The following KCNH4 variants were observed in gnomAD, a reference collection of about 807,000 sequenced individuals.
The protein encoded by KCNH4 is voltage-gated delayed rectifier potassium channel KCNH4.
Under a neutral mutation model 90.7 loss-of-function variants are expected in KCNH4, and 33 were observed. The ratio of observed to expected loss-of-function variants is 0.36; its 90% CI spans 0.28 to 0.49. The LOEUF is 0.49. Among genes scored for constraint, KCNH4 ranks in the 20% least tolerant of loss-of-function variants. The probability of loss-of-function intolerance (pLI) is 0.98; values close to 1 mark genes in which losing one functional copy is unlikely to be tolerated. For missense variants in KCNH4, 1,044 were observed against 1,387.1 expected (o/e 0.75, Z 3.93); for synonymous variants, 551 against 581.7 (o/e 0.95, Z 0.76).
chr17:42,169,466 C>T lies in KCNH4; in HGVS notation c.1590+11G>A. On this transcript the variant is annotated intron_variant, in intron 9 of 16. Transcript: ENST00000264661. ...GAGGGCAAGGGCAAGATTGGAGACC[C>T]TGCAGGCTACCTCGTTGGCGTCGAT... The T allele has an allele frequency of 6.2e-7, 1 of 1,612,250 alleles. No individual in the cohort carries two copies. The highest frequency in any genetic ancestry group is 8.5e-7 in the Non-Finnish European group (1 of 1,179,716).
At position 42,176,124 on chromosome 17, in the gene KCNH4, G is replaced by A. The variant is rs765016601; in HGVS notation, c.759C>T (p.Asp253=). ...TVPYNVCFSG[D]DDTPITSRHT... ...GTCGCGAAGTGATGGGGGTGTCATC[G>A]TCACCCGAGAAACAGACATTGTAGG... Residue 253 remains aspartate, a synonymous_variant, in exon 5 of 17, where the codon GAC becomes GAT. Transcript: ENST00000264661. The A allele has an allele frequency of 3.7e-6, 6 of 1,613,934 alleles. No homozygotes were observed. Among genetic ancestry groups the A allele is most frequent in the South Asian group, 1.1e-5 (1 of 91,074 alleles).
rs369640270 is a variant in KCNH4 at position 42,176,295 on chromosome 17, G to A, written c.588C>T (p.Asn196=). Residue 196 remains asparagine, a splice_region_variant and synonymous_variant, in exon 5 of 17, where the codon AAC becomes AAT. Coordinates refer to ENST00000264661, the MANE Select transcript of KCNH4 (RefSeq NM_012285.3). ...GCACTGATGGCTTTGGCTCAAACAC[G>A]TTCTAAGGGGAGAGGGGTGGCGGTT... is the stretch of plus-strand genomic sequence containing the variant. ...RGQGGMKANN[N]VFEPKPSVPE... 1.3e-5 allele frequency: 21 copies of A among 1,588,648 alleles called. No individual in the cohort carries two copies. In the African/African-American group the frequency reaches 1.5e-4, roughly 11 times the overall value.
intron 4 of KCNH4, among the ~76,000 whole-genome samples, chr17:42,176,947 A>G (rs2079866347): frequency 6.6e-6 from 1 of 152,234 alleles, no homozygotes; most frequent in Non-Finnish European, 1.5e-5. Flanking sequence ...GCTGGAGTGC[A>G]GTGGCACCAT....
Position 42,175,619 on chromosome 17 carries a change from G to A in KCNH4, c.947C>T (p.Ala316Val). Residue 316 changes from alanine (A) to valine (V), a missense_variant, in exon 6 of 17, where the codon GCT becomes GTT. Physicochemically the swap from Ala to Val is moderately conservative, Grantham distance 64 (BLOSUM62 0). Coordinates refer to ENST00000264661, the MANE Select transcript of KCNH4 (RefSeq NM_012285.3). The part of the protein sequence containing the change: ...ATWFFIDLIA[A>V]LPFDLLYIFN... ...GATGTAAAGCAGGTCAAAGGGCAGA[G>A]CAGCAATAAGGTCGATGAAGAACCA... is the stretch of plus-strand genomic sequence containing the variant. 1 of 1,614,206 alleles carries A rather than the reference G, an allele frequency of 6.2e-7. No homozygotes were observed.
At chr17:42,166,244 G>T (rs372605412) in intron 10 of KCNH4, 53 bp downstream of exon 10, 23 of 1,530,902 alleles carry the variant, frequency 1.5e-5, no homozygotes, top group African/African-American at 9.6e-5. Context: ...TCCTCAGTGG[G>T]GGTTGCGGGG....
Position 42,171,872 on chromosome 17 carries a change from G to C in KCNH4, c.1111C>G (p.Leu371Val). The stretch of plus-strand genomic sequence containing the variant: ...ATGCAGGCCATCCAGTGGGCAAGGA[G>C]CGCAAAGACCGACATGAGCAGCGTG... ...VLTLLMSVFA[L>V]LAHWMACIWY... The change falls in exon 7 of 17, where the codon CTC becomes GTC. Residue 371 changes from leucine to valine, a missense_variant. This residue lies in a region of KCNH4 where 318 missense variants were observed against 479.6 expected (regional missense o/e 0.66). Coordinates refer to ENST00000264661, the MANE Select transcript of KCNH4 (RefSeq NM_012285.3). 1 of 1,614,188 alleles carries C rather than the reference G, an allele frequency of 6.2e-7. No homozygotes were observed. The highest frequency in any genetic ancestry group is 2.2e-5 in the East Asian group (1 of 44,882).
rs2079733772 is a variant in KCNH4 at position 42,159,998 on chromosome 17, CGGCAGCGCCCACCCCAGACAG to C, written c.*21_*41del. 6.9e-7 allele frequency: 1 copy of C among 1,451,530 alleles called. No individual in the cohort carries two copies. Among genetic ancestry groups the C allele is most frequent in the Non-Finnish European group, 9.1e-7 (1 of 1,095,058 alleles). 89.9% of individuals were successfully genotyped at this position (1,451,530 alleles called of 1,614,324 possible). On this transcript the variant is annotated 3_prime_UTR_variant, in exon 16 of 17. Transcript: ENST00000264661. Reference sequence around the variant, plus strand: ...GCCCAGGTCCTCCCTGAGTGGTGAGCGGCAGCGCCCACCCCAGACAGGCCTGGGCCCTGGGCCAGGGTCAGT... The same window carrying C: ...GCCCAGGTCCTCCCTGAGTGGTGAGCGCCTGGGCCCTGGGCCAGGGTCAGT...
rs183503095 is a variant in KCNH4 at position 42,171,162 on chromosome 17, G to C, written c.1195+626C>G. On this transcript the variant is annotated intron_variant, in intron 7 of 16. Transcript: ENST00000264661. ...GCTGTGGTGAGGATGGTGGTTGTGG[G>C]GGGGATGAGAAGGGGATTGGGAAAT... Among the ~76,000 whole-genome samples the C allele has an allele frequency of 6.6e-5, 10 of 152,246 alleles. 2 individuals are homozygous for C. Among genetic ancestry groups the C allele is most frequent in the South Asian group, 6.2e-4 (3 of 4,818 alleles).
At chr17:42,166,223 C>A in intron 10 of KCNH4, 74 bp downstream of exon 10, 1 of 1,498,932 alleles carries the variant, frequency 6.7e-7, no homozygotes. Context: ...AGAATCCTGG[C>A]CATTCCCAAG....
At position 42,163,642 on chromosome 17, in the gene KCNH4, G is replaced by C. The variant is rs150770534; in HGVS notation, c.2441C>G (p.Pro814Arg). 9 of 1,499,306 alleles carry C rather than the reference G, an allele frequency of 6.0e-6. No individual in the cohort carries two copies. Among genetic ancestry groups the C allele is most frequent in the South Asian group, 1.3e-5 (1 of 74,364 alleles). 92.9% of individuals were successfully genotyped at this position (1,499,306 alleles called of 1,614,324 possible). A position where few individuals can be genotyped will look rare whatever the true frequency, so the allele number is the denominator to read the frequency against. Residue 814 changes from proline to arginine, a missense_variant, in exon 13 of 17, where the codon CCA becomes CGA. Around this residue, in one of 4 missense-constraint regions of KCNH4, gnomAD observed 441 missense variants for 512.3 expected, o/e 0.86. Transcript: ENST00000264661. This position sits in a 1 kb window ranked among gnomAD's most constrained non-coding sequence, Gnocchi z 5.4. The stretch of plus-strand genomic sequence containing the variant: ...GTCCGGAGGTCCAAAGGTTCCCAGT[G>C]GGGGAATGAGAAGCTGAGGGGGCTT... Reference protein sequence around the residue: ...AWKPPQLLIPPLGTFGPPDLS... With the variant: ...AWKPPQLLIPRLGTFGPPDLS...
At chr17:42,162,397 G>T in intron 14 of KCNH4, 76 bp from the exon 15 acceptor site, 1 of 1,289,560 alleles carries the variant, frequency 7.8e-7, no homozygotes, top group Non-Finnish European at 1.1e-6. Context: ...GAATCCTCCT[G>T]TCATTGGGCA....
chr17:42,172,039 T>C, intron 6 of KCNH4, 44 bp from the exon 7 acceptor site: 1 of 1,515,414 alleles, frequency 6.6e-7, no homozygotes, highest in Non-Finnish European at 9.0e-7. Flanking sequence ...GCACACCTCC[T>C]CCGAGCCCTC....
chr17:42,163,729 G>C lies in KCNH4; in HGVS notation c.2354C>G (p.Ala785Gly), dbSNP rs548584265. ...SPSLSPSLSP[A>G]LAGQGHSASP... ...GGCACTGTGGCCCTGGCCAGCCAGGGCAGGGGACAGGGATGGGGATAAGGA... is the reference window on the plus strand; with the variant it reads ...GGCACTGTGGCCCTGGCCAGCCAGGCCAGGGGACAGGGATGGGGATAAGGA... The change falls in exon 13 of 17, where the codon GCC becomes GGC. Residue 785 changes from alanine (A) to glycine (G), a missense_variant. Physicochemically the swap from Ala to Gly is moderately conservative, Grantham distance 60. Around this residue, in one of 4 missense-constraint regions of KCNH4, gnomAD observed 441 missense variants for 512.3 expected, o/e 0.86. Transcript: ENST00000264661. The surrounding 1 kb of genome is among the most constrained non-coding windows in gnomAD (Gnocchi z 5.4). The C allele has an allele frequency of 9.1e-6, 14 of 1,538,460 alleles. No individual in the cohort carries two copies. In the East Asian group the frequency reaches 3.2e-4, roughly 35 times the overall value.
chr17:42,173,693 CT>C lies in KCNH4; in HGVS notation c.988-1699del, dbSNP rs532100884. Among the ~76,000 whole-genome samples the C allele has an allele frequency of 8.3e-3, 550 of 66,240 alleles. 1 individual carries two copies. Among genetic ancestry groups the C allele is most frequent in the African/African-American group, 0.035 (525 of 14,946 alleles). 43.5% of individuals were successfully genotyped at this position (66,240 alleles called of 152,430 possible). A position where few individuals can be genotyped will look rare whatever the true frequency, so the allele number is the denominator to read the frequency against. On this transcript the variant is annotated intron_variant, in intron 6 of 16. Coordinates refer to ENST00000264661, the MANE Select transcript of KCNH4 (RefSeq NM_012285.3). ...AGACTGGAAGTTTAGCGATCTGGTT[CT>C]TTTTTTTTTTTTTTTTTTTTTTTTT...
At chr17:42,177,223 A>G (rs901119717) in intron 4 of KCNH4, among the ~76,000 whole-genome samples, 3 of 152,026 alleles carry the variant, frequency 2.0e-5, no homozygotes, top group African/African-American at 7.2e-5. Flanking sequence ...CTAACTTTGT[A>G]TTTTTAGTAG....
At chr17:42,161,353 G>T (rs565669690) in intron 15 of KCNH4, among the ~76,000 whole-genome samples, 29 of 152,334 alleles carry the variant, frequency 1.9e-4, no homozygotes, top group African/African-American at 6.5e-4. Flanking sequence ...AGGCCCCAGG[G>T]CCTGAAACAG....
chr17:42,161,493 C>T (rs1170210323), intron 15 of KCNH4, among the ~76,000 whole-genome samples: 4 of 152,196 alleles, frequency 2.6e-5, no homozygotes, highest in Non-Finnish European at 5.9e-5. Flanking sequence ...GAGGCTGAGC[C>T]TCAGCATATA....
rs869250233 is a variant in KCNH4, at chr17:42,176,509, CTTTTTTT to C, written c.586-219_586-213del. 5.0e-3 allele frequency among the ~76,000 whole-genome samples: 344 copies of C among 68,380 alleles called. 3 individuals carry two copies. Among genetic ancestry groups the C allele is most frequent in the African/African-American group, 0.022 (327 of 15,094 alleles). The allele number at this position is 68,380 out of a possible 152,430, so 44.9% of individuals were successfully genotyped here. On this transcript the variant is annotated intron_variant, in intron 4 of 16. Coordinates refer to ENST00000264661, the MANE Select transcript of KCNH4 (RefSeq NM_012285.3). ...GCCAAGTATTTCCCAGGCCCTCCTC[CTTTTTTT>C]TTTTTTTTTTTTTTTTTTTTTTTTT...
At chr17:42,176,509 CTTTTTTTTTTTTTT>C (rs869250233) in intron 4 of KCNH4, among the ~76,000 whole-genome samples, 1,553 of 68,468 alleles carry the variant, frequency 0.023, 47 homozygotes, top group South Asian at 0.039. Flanking sequence ...GGCCCTCCTC[CTTTTTTTTTTTTTT>C]TTTTTTTTTT....
Sources: allele counts gnomAD v4.1 joint callset (sites outside exome capture counted in the v4.1 genomes callset), GRCh38; gene constraint gnomAD v4.1.1; regional missense constraint gnomAD v4.1.1; non-coding constraint Gnocchi (gnomAD v3.1); transcripts MANE v1.5; gene names NCBI Gene and HGNC (gene_info 2026-07-23, HGNC 2026-07-21).